Variants in COG2 observed in about 807,000 individuals in gnomAD.
The protein encoded by COG2 is conserved oligomeric Golgi complex subunit 2.
In COG2, 52 loss-of-function variants were observed where a neutral mutation model predicts 90.6. The ratio of observed to expected loss-of-function variants is 0.57; its 90% CI spans 0.46 to 0.72. The LOEUF (loss-of-function observed/expected upper bound fraction) is 0.72. COG2 is among the 30% of genes least tolerant of loss of function. The pLI is 0.00. For synonymous variants in COG2, 337 were observed against 320.4 expected (o/e 1.05, Z -0.55); for missense variants, 829 against 891.2 (o/e 0.93, Z 0.89).
intron 1 of COG2, among the ~76,000 whole-genome samples, chr1:230,645,233 C>CAAA (rs57806034): frequency 1.2e-4 from 11 of 91,044 alleles, no homozygotes; most frequent in Non-Finnish European, 1.9e-4. Flanking sequence ...GAGACCCTGT[C>CAAA]AAAAAAAAAA....
chr1:230,684,299 C>A (rs1662832348), intron 11 of COG2: 1 of 151,644 alleles, frequency 6.6e-6, no homozygotes, highest in Non-Finnish European at 1.5e-5. Context: ...CTGCCTTCCT[C>A]CCAGGCTGAG....
In COG2 at chr1:230,659,895, A is replaced by G. The variant is rs2225146; in HGVS notation, c.234+270A>G. ...TAGCAGTAGCAGACTGGTTGTTTTC[A>G]TTAGCAGCTGATTACCATGAAATCT... On this transcript the variant is annotated intron_variant, in intron 2 of 17. Transcript: ENST00000366669. 0.49 allele frequency among the ~76,000 whole-genome samples: 74,920 copies of G among 152,100 alleles called. 19,211 individuals are homozygous for G. The highest frequency in any genetic ancestry group is 0.73 in the East Asian group (3,752 of 5,172).
At chr1:230,652,393 CTT>C (rs1370352550) in intron 1 of COG2, among the ~76,000 whole-genome samples, 1 of 152,192 alleles carries the variant, frequency 6.6e-6, no homozygotes, top group African/African-American at 2.4e-5. Flanking sequence ...TAGCTCATCT[CTT>C]TTTATTGCTG....
intron 5 of COG2, among the ~76,000 whole-genome samples, chr1:230,665,610 A>C (rs1175228138): frequency 6.6e-6 from 1 of 152,178 alleles, no homozygotes; most frequent in Non-Finnish European, 1.5e-5. Context: ...CCGAAAAGGA[A>C]ATTATTCTCA....
At chr1:230,663,977 A>G (rs1662252290) in intron 4 of COG2, among the ~76,000 whole-genome samples, 1 of 152,166 alleles carries the variant, frequency 6.6e-6, no homozygotes, top group Non-Finnish European at 1.5e-5. Context: ...GCTTGAGCTC[A>G]GGACTTTGAG....
intron 1 of COG2, 95 bp from the exon 2 acceptor site, chr1:230,659,369 G>A (rs1334435936): frequency 7.0e-6 from 7 of 995,284 alleles, no homozygotes; most frequent in Non-Finnish European, 1.1e-5. Flanking sequence ...TGTAAATGAC[G>A]GGAATGGGCT....
chr1:230,670,241 T>C (rs1397348602), intron 7 of COG2: 6 of 152,248 alleles, frequency 3.9e-5, no homozygotes, highest in Admixed American at 6.5e-5. Context: ...GTTGCTGATA[T>C]TCAACAGTTT....
At chr1:230,664,342 T>A in intron 4 of COG2, 142 bp from the exon 5 acceptor site, 1 of 407,574 alleles carries the variant, frequency 2.5e-6, no homozygotes, top group Non-Finnish European at 4.4e-6. Flanking sequence ...TTTTGTGTTA[T>A]GTAGAAATAC....
chr1:230,681,039 T>G (rs1268383753), intron 10 of COG2: 1 of 152,070 alleles, frequency 6.6e-6, no homozygotes, highest in Non-Finnish European at 1.5e-5. Context: ...AAAGGCCACC[T>G]CCCCACCCCA....
chr1:230,674,129 C>T (rs1301155974), intron 8 of COG2, among the ~76,000 whole-genome samples: 1 of 152,112 alleles, frequency 6.6e-6, no homozygotes, highest in Non-Finnish European at 1.5e-5. Flanking sequence ...AGTTTGTGAG[C>T]GACTTAAGGA....
At position 230,678,899 on chromosome 1, in the gene COG2, T is replaced by C; in HGVS notation, c.1027-14T>C. The C allele has an allele frequency of 6.2e-7, 1 of 1,605,666 alleles. No individual in the cohort carries two copies. The highest frequency in any genetic ancestry group is 8.5e-7 in the Non-Finnish European group (1 of 1,175,944). On this transcript the variant is annotated splice_polypyrimidine_tract_variant and intron_variant, in intron 9 of 17. Coordinates refer to ENST00000366669, the MANE Select transcript of COG2 (RefSeq NM_007357.3). ...TGTTCTAATAATGAAAATTTTCCTT[T>C]TGTTTTATTTTAGAAATATACCATA...
chr1:230,663,295 A>G (rs140217072), intron 4 of COG2, 74 bp downstream of exon 4: 154 of 1,142,076 alleles, frequency 1.3e-4, no homozygotes, highest in Non-Finnish European at 1.7e-4. Flanking sequence ...TTTCAGGCAT[A>G]TGGTCTGATT....
At chr1:230,678,171 C>G in intron 9 of COG2, 4 of 985,270 alleles carry the variant, frequency 4.1e-6, no homozygotes, top group Non-Finnish European at 4.8e-6. Flanking sequence ...AATAAAGTAC[C>G]CACAAAAGCA....
chr1:230,677,598 G>A (rs562770849), intron 9 of COG2, among the ~76,000 whole-genome samples: 1 of 140,052 alleles, frequency 7.1e-6, no homozygotes, highest in African/African-American at 2.5e-5. Flanking sequence ...GCTTTAAGCA[G>A]AAGCAATTGT....
intron 1 of COG2, chr1:230,642,952 C>T: frequency 2.1e-6 from 1 of 466,340 alleles, no homozygotes; most frequent in South Asian, 3.0e-5. Context: ...GCCACTGTTA[C>T]CCGTTCCTGT....
chr1:230,648,560 T>C (rs1357681674), intron 1 of COG2, among the ~76,000 whole-genome samples: 1 of 152,260 alleles, frequency 6.6e-6, no homozygotes, highest in Non-Finnish European at 1.5e-5. Flanking sequence ...GTTTATTCAG[T>C]TGGCCTTTGG....
intron 8 of COG2, 36 bp downstream of exon 8, chr1:230,671,676 C>T: frequency 1.2e-6 from 2 of 1,604,476 alleles, no homozygotes; most frequent in Non-Finnish European, 1.7e-6. Flanking sequence ...CCCCACCTCC[C>T]TTTCAGTGAC....
intron 14 of COG2, 60 bp from the exon 15 acceptor site, chr1:230,688,359 CA>C: frequency 6.3e-7 from 1 of 1,586,820 alleles, no homozygotes; most frequent in Non-Finnish European, 8.6e-7. Flanking sequence ...GACAGTATTT[CA>C]AATGAAGTTC....
At chr1:230,647,239 A>G (rs1406340224) in intron 1 of COG2, among the ~76,000 whole-genome samples, 1 of 152,080 alleles carries the variant, frequency 6.6e-6, no homozygotes, top group Non-Finnish European at 1.5e-5. Flanking sequence ...GATTGAAAAA[A>G]CATAGCGTAT....
Sources: allele counts gnomAD v4.1 joint callset (sites outside exome capture counted in the v4.1 genomes callset), GRCh38; gene constraint gnomAD v4.1.1; transcripts MANE v1.5; gene names NCBI Gene and HGNC (gene_info 2026-07-23, HGNC 2026-07-21).